The following RALGAPA1 variants were observed in gnomAD, a reference collection of about 807,000 sequenced individuals.
RALGAPA1 encodes Ral GTPase activating protein catalytic subunit alpha 1, also known as ral GTPase-activating protein subunit alpha-1.
Under a neutral mutation model 269.6 loss-of-function variants are expected in RALGAPA1, and 52 were observed. The ratio of observed to expected loss-of-function variants is 0.19; its 90% CI spans 0.15 to 0.24. The LOEUF (loss-of-function observed/expected upper bound fraction) is 0.24, where lower values mean the gene tolerates loss of function less well. Ranked by LOEUF, RALGAPA1 falls within the 10% of genes least tolerant of loss-of-function variation. The probability of loss-of-function intolerance (pLI) is 1.00; values close to 1 mark genes in which losing one functional copy is unlikely to be tolerated. For synonymous variants in RALGAPA1, 817 were observed against 1,008.3 expected (o/e 0.81, Z 3.60); for missense variants, 1,917 against 3,013.9 (o/e 0.64, Z 8.52).
intron 11 of RALGAPA1, among the ~76,000 whole-genome samples, chr14:35,740,674 G>A (rs143056278): frequency 0.014 from 2,183 of 152,230 alleles, 25 homozygotes; most frequent in Non-Finnish European, 0.02. Context: ...CAGGCATGGT[G>A]GCGAGTGCCT....
At chr14:35,621,956 C>T (rs2060655296) in intron 35 of RALGAPA1, among the ~76,000 whole-genome samples, 3 of 152,094 alleles carry the variant, frequency 2.0e-5, no homozygotes, top group Admixed American at 6.5e-5. Context: ...GACAGTGTGG[C>T]GATTCCTCAA....
In RALGAPA1 at chr14:35,595,746, T is replaced by G. The variant is rs1331139922; in HGVS notation, c.7097A>C (p.Lys2366Thr). The change falls in exon 37 of 42, where the codon AAA becomes ACA. Residue 2366 changes from lysine to threonine, a missense_variant. Lys to Thr is a moderately conservative substitution (Grantham distance 78). This residue lies in a region of RALGAPA1 where 132 missense variants were observed against 271.2 expected (regional missense o/e 0.49). Transcript: ENST00000680220. ...AGTGGTCAATCCAGTGCTTTTGTTTTTTTGTAGTCCTCCCATAAAACCACA... is the reference window on the plus strand; with the variant it reads ...AGTGGTCAATCCAGTGCTTTTGTTTGTTTGTAGTCCTCCCATAAAACCACA... ...NHCGFMGGLQ[K>T]NKSTGLTTPY... 1 of 1,612,852 alleles carries G rather than the reference T, an allele frequency of 6.2e-7. No individual in the cohort carries two copies. Among genetic ancestry groups the G allele is most frequent in the Non-Finnish European group, 8.5e-7 (1 of 1,179,130 alleles).
Position 35,689,165 on chromosome 14 carries a change from C to T in RALGAPA1, c.3246G>A (p.Lys1082=). The T allele has an allele frequency of 8.1e-7, 1 of 1,233,878 alleles. No homozygotes were observed. The highest frequency in any genetic ancestry group is 3.2e-5 in the East Asian group (1 of 31,726). The allele number at this position is 1,233,878 out of a possible 1,614,324, so 76.4% of individuals were successfully genotyped here. ...DACVDVTLVE[K]LKSVQINEKI... is the part of the protein sequence containing the mutation. ...TTTCATTAATTTGCACACTCTTAAG[C>T]TTTTCAACTAGTGTTACATCAACAC... The change falls in exon 18 of 42, where the codon AAG becomes AAA. Residue 1082 remains lysine (K), a synonymous_variant. Coordinates refer to ENST00000680220, the MANE Select transcript of RALGAPA1 (RefSeq NM_001346249.2).
At chr14:35,575,874 G>C (rs1416851216) in intron 37 of RALGAPA1, among the ~76,000 whole-genome samples, 1 of 152,098 alleles carries the variant, frequency 6.6e-6, no homozygotes, top group South Asian at 2.1e-4. Context: ...GATTACAGGC[G>C]TGAGCCACCG....
intron 16 of RALGAPA1, among the ~76,000 whole-genome samples, chr14:35,703,315 C>T (rs547873419): frequency 2.9e-4 from 44 of 152,170 alleles, no homozygotes; most frequent in African/African-American, 1.1e-3. Flanking sequence ...CTACAAAAAA[C>T]AAAAACTAAA....
intron 18 of RALGAPA1, 81 bp from the exon 19 acceptor site, chr14:35,686,747 A>G (rs1233938758): frequency 2.9e-6 from 2 of 681,516 alleles, no homozygotes; most frequent in African/African-American, 3.7e-5. Flanking sequence ...ACAACCCAAA[A>G]CAAAGTACCT....
intron 39 of RALGAPA1, among the ~76,000 whole-genome samples, chr14:35,553,591 C>T (rs2055233736): frequency 6.6e-6 from 1 of 152,070 alleles, no homozygotes; most frequent in African/African-American, 2.4e-5. Context: ...GCTGTATAAA[C>T]ATTCAGTTCA....
At chr14:35,574,344 C>A (rs954743489) in intron 37 of RALGAPA1, among the ~76,000 whole-genome samples, 1 of 152,176 alleles carries the variant, frequency 6.6e-6, no homozygotes, top group Non-Finnish European at 1.5e-5. Context: ...TATTTTATAA[C>A]TGAAGCTTGT....
chr14:35,698,032 C>T (rs1374114004), intron 17 of RALGAPA1, among the ~76,000 whole-genome samples: 1 of 152,016 alleles, frequency 6.6e-6, no homozygotes, highest in Non-Finnish European at 1.5e-5. Flanking sequence ...CCATATAATC[C>T]ATGTTTTCTA....
chr14:35,786,615 C>T (rs780283242), intron 1 of RALGAPA1, among the ~76,000 whole-genome samples: 32 of 151,546 alleles, frequency 2.1e-4, no homozygotes, highest in Non-Finnish European at 3.1e-4. Flanking sequence ...TCCAGCACTC[C>T]GTCTCAAAAA....
At position 35,655,850 on chromosome 14, in the gene RALGAPA1, GGAT is replaced by G; in HGVS notation, c.5450_5452del (p.His1817del). ...CACATTCAGAGCTTCCTTAATTTGA[GGAT>G]GATGAGACTCATGGACTAGTTCTTC... On this transcript the variant is annotated inframe_deletion, in exon 29 of 42. Transcript: ENST00000680220. The G allele has an allele frequency of 2.5e-6, 4 of 1,613,326 alleles. No individual in the cohort carries two copies. The highest frequency in any genetic ancestry group is 3.4e-6 in the Non-Finnish European group (4 of 1,179,622).
chr14:35,668,353 C>T (rs1196892118), intron 26 of RALGAPA1, among the ~76,000 whole-genome samples: 3 of 151,900 alleles, frequency 2.0e-5, no homozygotes, highest in Non-Finnish European at 4.4e-5. Flanking sequence ...CATGATGGCG[C>T]GGGCCTGTAG....
intron 7 of RALGAPA1, among the ~76,000 whole-genome samples, chr14:35,755,187 A>T (rs1023981465): frequency 1.3e-5 from 2 of 151,064 alleles, no homozygotes; most frequent in Non-Finnish European, 3.0e-5. Context: ...ATCTCTCTCT[A>T]ACAAAAAAAA....
chr14:35,744,098 G>A (rs143735135), intron 10 of RALGAPA1, among the ~76,000 whole-genome samples: 1,634 of 152,188 alleles, frequency 0.011, 32 homozygotes, highest in African/African-American at 0.038. Context: ...GCTGCCGGGC[G>A]CGGTGGCTCA....
At chr14:35,600,941 GTTGT>G (rs1227082231) in intron 36 of RALGAPA1, among the ~76,000 whole-genome samples, 1 of 152,082 alleles carries the variant, frequency 6.6e-6, no homozygotes, top group East Asian at 1.9e-4. Context: ...GTTTTAGCTG[GTTGT>G]TTGAAGACTC....
chr14:35,792,792 AAAG>A (rs1249367702), intron 1 of RALGAPA1, among the ~76,000 whole-genome samples: 37 of 145,156 alleles, frequency 2.5e-4, no homozygotes, highest in Admixed American at 8.9e-4. Flanking sequence ...AAAAAAAAAA[AAAG>A]AAAGAAAGAG....
At chr14:35,700,433 C>T (rs1367591236) in intron 16 of RALGAPA1, 131 bp from the exon 17 acceptor site, 1 of 602,768 alleles carries the variant, frequency 1.7e-6, no homozygotes, top group South Asian at 4.5e-5. Context: ...TAAATTAAAA[C>T]ATTTCAGCAC....
chr14:35,754,652 C>T (rs1409868682), intron 7 of RALGAPA1, among the ~76,000 whole-genome samples: 1 of 152,142 alleles, frequency 6.6e-6, no homozygotes. Context: ...TGGAAAACAG[C>T]TTGGTAGTTT....
intron 31 of RALGAPA1, among the ~76,000 whole-genome samples, chr14:35,649,739 C>G (rs190367323): frequency 2.0e-5 from 3 of 152,188 alleles, no homozygotes; most frequent in African/African-American, 7.2e-5. Context: ...TACCTTGTAT[C>G]TCATACATTT....
Sources: gnomAD v4.1 joint callset for allele counts (sites outside exome capture counted in the v4.1 genomes callset) on GRCh38, gnomAD v4.1.1 for gene constraint, gnomAD v4.1.1 regional missense constraint, MANE v1.5 for transcripts, NCBI Gene and HGNC (gene_info 2026-07-23, HGNC 2026-07-21) for gene names.